The following HNF4A variants were observed in gnomAD, a reference collection of about 807,000 sequenced individuals.
HNF4A encodes the protein hepatocyte nuclear factor 4 alpha, also known as hepatocyte nuclear factor 4-alpha.
Under a neutral mutation model 52.4 loss-of-function variants are expected in HNF4A, and 15 were observed. That is an observed-to-expected ratio of 0.29 (90% CI 0.19 to 0.44). The LOEUF (loss-of-function observed/expected upper bound fraction) is 0.44, where lower values mean the gene tolerates loss of function less well. Among genes scored for constraint, HNF4A ranks in the 20% least tolerant of loss-of-function variants. The pLI is 1.00. For synonymous variants in HNF4A, 280 were observed against 264.4 expected (o/e 1.06, Z -0.57); for missense variants, 479 against 647.2 (o/e 0.74, Z 2.82).
At position 44,393,391 on chromosome 20, in the gene HNF4A, C is replaced by T. The variant is rs192287713; in HGVS notation, c.50-12667C>T. The stretch of plus-strand genomic sequence containing the variant: ...CTCCAGACCATACTCTCTGCCCTAC[C>T]TCCGGAGCCTTACAGTCAGCATCTC... On this transcript the variant is annotated intron_variant, in intron 1 of 9. Transcript: ENST00000316673. 2.6e-5 allele frequency among the ~76,000 whole-genome samples: 4 copies of T among 152,326 alleles called. No individual in the cohort carries two copies. The East Asian group carries it at 7.7e-4, about 29-fold the overall frequency.
At chr20:44,401,113 C>T, upstream of HNF4A, 3 of 722,736 alleles carry the variant, frequency 4.2e-6, no homozygotes, top group East Asian at 1.3e-4. Flanking sequence ...CAGAAACCAA[C>T]AAACAGCCAA....
rs887109567 is a variant in HNF4A, at chr20:44,429,999, C to T, written c.*334C>T. ...ACAGCCGCCTGGAGATGACTTGAGG[C>T]CTTACTTAAACCCAGCTCCCTTCTT... On this transcript the variant is annotated 3_prime_UTR_variant, in exon 10 of 10. Coordinates refer to ENST00000316099, the MANE Select transcript of HNF4A (RefSeq NM_000457.6). 3.0e-6 allele frequency: 1 copy of T among 333,260 alleles called. No homozygotes were observed. 20.6% of individuals were successfully genotyped at this position (333,260 alleles called of 1,614,324 possible).
chr20:44,390,230 C>G (rs533771494), intron 1 of HNF4A, among the ~76,000 whole-genome samples: 1 of 152,268 alleles, frequency 6.6e-6, no homozygotes, highest in South Asian at 2.1e-4. Flanking sequence ...GAAACACGCT[C>G]AGAAAGGTGA....
At chr20:44,370,193 A>G (rs1368163554) in intron 1 of HNF4A, among the ~76,000 whole-genome samples, 2 of 151,954 alleles carry the variant, frequency 1.3e-5, no homozygotes, top group African/African-American at 2.4e-5. Flanking sequence ...GCGCCCGGCT[A>G]ATTTTTTGTA....
At chr20:44,427,493 A>T (rs2063827014) in intron 8 of HNF4A, among the ~76,000 whole-genome samples, 1 of 152,204 alleles carries the variant, frequency 6.6e-6, no homozygotes, top group Non-Finnish European at 1.5e-5. Context: ...ACTGAAATAG[A>T]TGTACTGTAG....
chr20:44,398,082 G>C (rs2063369655), upstream of HNF4A, among the ~76,000 whole-genome samples: 2 of 152,122 alleles, frequency 1.3e-5, no homozygotes, highest in Admixed American at 6.5e-5. Context: ...GGTTTGTTTG[G>C]TACCCCAATG....
chr20:44,386,464 G>A (rs940948952), intron 1 of HNF4A, among the ~76,000 whole-genome samples: 3 of 152,182 alleles, frequency 2.0e-5, no homozygotes, highest in Non-Finnish European at 2.9e-5. Context: ...ACCTCGCCCA[G>A]CTGCCATCTG....
At chr20:44,372,208 C>G (rs2063041153) in intron 1 of HNF4A, among the ~76,000 whole-genome samples, 1 of 152,242 alleles carries the variant, frequency 6.6e-6, no homozygotes, top group African/African-American at 2.4e-5. Flanking sequence ...TAAGTGACTA[C>G]AAGAAAAGTT....
At chr20:44,362,848 T>TC (rs139255267) in intron 1 of HNF4A, among the ~76,000 whole-genome samples, 24,150 of 150,822 alleles carry the variant, frequency 0.16, 2,317 homozygotes, top group Middle Eastern at 0.26. Context: ...ATTCTCTTTT[T>TC]TTTTTTTTTT....
chr20:44,410,623 C>T (rs1885089), intron 3 of HNF4A, among the ~76,000 whole-genome samples: 22,180 of 151,874 alleles, frequency 0.15, 2,061 homozygotes, highest in Non-Finnish European at 0.21. Context: ...AGGACTGAAA[C>T]CCTAAAATAG....
chr20:44,411,369 C>T (rs1231070091), intron 3 of HNF4A, among the ~76,000 whole-genome samples: 1 of 152,242 alleles, frequency 6.6e-6, no homozygotes. Flanking sequence ...TGGAAAACAT[C>T]ATTCCGTGAC....
rs760563887 is a variant in HNF4A, at chr20:44,429,611, C to A, written c.1371C>A (p.Val457=). The A allele has an allele frequency of 6.2e-7, 1 of 1,614,092 alleles. No homozygotes were observed. The highest frequency in any genetic ancestry group is 8.5e-7 in the Non-Finnish European group (1 of 1,180,018). ...TGCCGGGAGCCGTCGCCACAATCGT[C>A]AAGCCCCTCTCTGCCATCCCCCAGC... The change falls in exon 10 of 10, where the codon GTC becomes GTA. Residue 457 remains valine (V), a synonymous_variant. Transcript: ENST00000316099.
At chr20:44,381,619 C>T (rs1407556558) in intron 1 of HNF4A, among the ~76,000 whole-genome samples, 1 of 151,292 alleles carries the variant, frequency 6.6e-6, no homozygotes, top group Non-Finnish European at 1.5e-5. Context: ...TACTTTGTTG[C>T]CTTTTTTTTG....
At chr20:44,357,841 T>TAA (rs911579388) in intron 1 of HNF4A, among the ~76,000 whole-genome samples, 1 of 140,774 alleles carries the variant, frequency 7.1e-6, no homozygotes. Flanking sequence ...GGTTCAAGAT[T>TAA]AAAAAAAAAA....
At chr20:44,429,407 A>G in intron 9 of HNF4A, 116 bp from the exon 10 acceptor site, 2 of 1,093,166 alleles carry the variant, frequency 1.8e-6, no homozygotes, top group Non-Finnish European at 2.8e-6. Context: ...TTATAGAGGA[A>G]GAAATTAAGT....
intron 1 of HNF4A, among the ~76,000 whole-genome samples, chr20:44,395,063 G>A (rs1157305005): frequency 1.3e-5 from 2 of 151,298 alleles, no homozygotes; most frequent in Middle Eastern, 3.4e-3. Flanking sequence ...ACCCATCATC[G>A]GGTGAACAAG....
In HNF4A at chr20:44,432,344, C is replaced by CTTTTTTTTTTTTT. The variant is rs11450239; in HGVS notation, c.*2691_*2703dup. On this transcript the variant is annotated 3_prime_UTR_variant, in exon 10 of 10. Transcript: ENST00000316099. ...ATGATATTAGAAAATCTCTCGCTCT[C>CTTTTTTTTTTTTT]TTTTTTTTTTTTTTTTTTTTTTTTG... 6.8e-5 allele frequency: 4 copies of CTTTTTTTTTTTTT among 58,980 alleles called. No homozygotes were observed. The highest frequency in any genetic ancestry group is 1.2e-4 in the Non-Finnish European group (4 of 33,112). 3.7% of individuals were successfully genotyped at this position (58,980 alleles called of 1,614,324 possible). A position where few individuals can be genotyped will look rare whatever the true frequency, so the allele number is the denominator to read the frequency against.
At chr20:44,380,289 C>T (rs1256584853) in intron 1 of HNF4A, among the ~76,000 whole-genome samples, 1 of 152,096 alleles carries the variant, frequency 6.6e-6, no homozygotes, top group Non-Finnish European at 1.5e-5. Context: ...CTATTCAAGT[C>T]CTTTGCCAAT....
chr20:44,382,846 G>T (rs1271012700), intron 1 of HNF4A, among the ~76,000 whole-genome samples: 1 of 152,080 alleles, frequency 6.6e-6, no homozygotes, highest in African/African-American at 2.4e-5. Context: ...CCAATGCAGA[G>T]GATTTTTTAC....
Sources: gnomAD v4.1 joint callset for allele counts (sites outside exome capture counted in the v4.1 genomes callset) on GRCh38, gnomAD v4.1.1 for gene constraint, MANE v1.5 for transcripts, NCBI Gene and HGNC (gene_info 2026-07-23, HGNC 2026-07-21) for gene names.